The following NUMB variants were observed in gnomAD, a reference collection of about 807,000 sequenced individuals.
NUMB encodes protein numb homolog.
A neutral mutation model predicts 59.7 loss-of-function variants in NUMB; 29 were observed. That is an observed-to-expected ratio of 0.49 (90% CI 0.36 to 0.66). The LOEUF is 0.66. Among genes scored for constraint, NUMB ranks in the 30% least tolerant of loss-of-function variants. The probability of loss-of-function intolerance (pLI) is 0.00; values close to 1 mark genes in which losing one functional copy is unlikely to be tolerated. For missense variants in NUMB, 723 were observed against 822.0 expected (o/e 0.88, Z 1.47); for synonymous variants, 288 against 288.2 (o/e 1.00, Z 0.01).
chr14:73,352,526 A>G lies in NUMB; in HGVS notation c.126+3100T>C, dbSNP rs1416287615. Among the ~76,000 whole-genome samples the G allele has an allele frequency of 2.3e-3, 32 of 13,964 alleles. 1 individual carries two copies. The highest frequency in any genetic ancestry group is 6.0e-3 in the East Asian group (1 of 166). The allele number at this position is 13,964 out of a possible 152,430, so 9.2% of individuals were successfully genotyped here. ...TATATATATATATATATATATATAT[A>G]TATGTTTTTTTTTTTTTTTTTTTTT... On this transcript the variant is annotated intron_variant, in intron 4 of 12. Coordinates refer to ENST00000555238, the MANE Select transcript of NUMB (RefSeq NM_001005743.2).
chr14:73,374,949 G>A (rs1483512727), intron 2 of NUMB, among the ~76,000 whole-genome samples: 1 of 151,944 alleles, frequency 6.6e-6, no homozygotes, highest in Non-Finnish European at 1.5e-5. Flanking sequence ...TCGAACTCCT[G>A]ACCTCAGCTG....
At chr14:73,404,076 G>GAA (rs34056438) in intron 2 of NUMB, among the ~76,000 whole-genome samples, 41 of 128,084 alleles carry the variant, frequency 3.2e-4, no homozygotes, top group African/African-American at 5.8e-4. Context: ...GACTCCGTCT[G>GAA]AAAAAAAAAA....
At chr14:73,358,913 C>T (rs887345889) in intron 3 of NUMB, among the ~76,000 whole-genome samples, 1 of 152,104 alleles carries the variant, frequency 6.6e-6, no homozygotes, top group African/African-American at 2.4e-5. Flanking sequence ...AAAGAACCAT[C>T]GATGCTGGAA....
At chr14:73,280,752 G>A (rs1888575656) in intron 11 of NUMB, among the ~76,000 whole-genome samples, 1 of 134,594 alleles carries the variant, frequency 7.4e-6, no homozygotes, top group African/African-American at 2.8e-5. Context: ...GGAGTGCAAT[G>A]GTGTGATCTC....
intron 6 of NUMB, among the ~76,000 whole-genome samples, chr14:73,302,289 C>A (rs1017842723): frequency 6.6e-6 from 1 of 151,864 alleles, no homozygotes; most frequent in African/African-American, 2.4e-5. Context: ...TTATAGTTTG[C>A]CACATTATAG....
At chr14:73,439,881 C>T (rs999620885) in intron 1 of NUMB, among the ~76,000 whole-genome samples, 1 of 152,150 alleles carries the variant, frequency 6.6e-6, no homozygotes, top group African/African-American at 2.4e-5. Context: ...TTCCAAATAA[C>T]TAATGACACA....
intron 7 of NUMB, among the ~76,000 whole-genome samples, chr14:73,296,268 C>T (rs555389463): frequency 7.9e-5 from 12 of 152,176 alleles, no homozygotes; most frequent in African/African-American, 2.9e-4. Flanking sequence ...CATGGTGAAA[C>T]CTCATCTGTA....
intron 1 of NUMB, among the ~76,000 whole-genome samples, chr14:73,416,535 A>G (rs952705917): frequency 1.3e-5 from 2 of 152,090 alleles, no homozygotes; most frequent in African/African-American, 2.4e-5. Context: ...TCCAAAATAA[A>G]TAAGTGTGCA....
At position 73,352,477 on chromosome 14, in the gene NUMB, CATATATATAT is replaced by C. The variant is rs1170959840; in HGVS notation, c.126+3139_126+3148del. ...ACACACATACACACACACACACACA[CATATATATAT>C]ATATATATATATATATATATATATA... On this transcript the variant is annotated intron_variant, in intron 4 of 12. Coordinates refer to ENST00000555238, the MANE Select transcript of NUMB (RefSeq NM_001005743.2). 5.7e-3 allele frequency among the ~76,000 whole-genome samples: 72 copies of C among 12,666 alleles called. 2 individuals carry two copies. The highest frequency in any genetic ancestry group is 7.2e-3 in the East Asian group (2 of 278). 8.3% of individuals were successfully genotyped at this position (12,666 alleles called of 152,430 possible).
At chr14:73,424,129 C>A (rs35259237) in intron 1 of NUMB, among the ~76,000 whole-genome samples, 9,917 of 151,990 alleles carry the variant, frequency 0.065, 749 homozygotes, top group African/African-American at 0.19. Context: ...TACTCTCTCT[C>A]TATATATAGA....
At chr14:73,324,122 C>T (rs1319333570) in intron 4 of NUMB, among the ~76,000 whole-genome samples, 2 of 152,202 alleles carry the variant, frequency 1.3e-5, no homozygotes, top group African/African-American at 4.8e-5. Flanking sequence ...AACTGTATCA[C>T]AGAAGAAGAG....
At chr14:73,452,478 C>T (rs1220609244) in intron 1 of NUMB, among the ~76,000 whole-genome samples, 1 of 152,100 alleles carries the variant, frequency 6.6e-6, no homozygotes, top group African/African-American at 2.4e-5. Flanking sequence ...CGAGATCATG[C>T]CACTGCATAC....
intron 4 of NUMB, among the ~76,000 whole-genome samples, chr14:73,336,447 A>T (rs1025421555): frequency 2.0e-5 from 3 of 152,208 alleles, no homozygotes; most frequent in African/African-American, 7.2e-5. Flanking sequence ...AATATAACCA[A>T]GCCTCTAAAA....
chr14:73,454,850 A>G (rs1164617575), intron 1 of NUMB, among the ~76,000 whole-genome samples: 2 of 152,176 alleles, frequency 1.3e-5, no homozygotes, highest in African/African-American at 2.4e-5. Context: ...GAACTTTTCT[A>G]TTTGTCATAT....
rs201533734 is a variant in NUMB at position 73,333,393 on chromosome 14, CT to C, written c.127-10190del. On this transcript the variant is annotated intron_variant, in intron 4 of 12. Coordinates refer to ENST00000555238, the MANE Select transcript of NUMB (RefSeq NM_001005743.2). ...CTGTATATCTTCTTTAGGTAAATTT[CT>C]TTTTTTTTATTTTTTAAATTTGAGA... Among the ~76,000 whole-genome samples, 775 of 151,366 alleles carry C rather than the reference CT, an allele frequency of 5.1e-3. 8 individuals are homozygous for C. The highest frequency in any genetic ancestry group is 0.018 in the African/African-American group (730 of 41,262).
At chr14:73,367,434 C>T (rs1894422876) in intron 2 of NUMB, among the ~76,000 whole-genome samples, 1 of 149,806 alleles carries the variant, frequency 6.7e-6, no homozygotes, top group Non-Finnish European at 1.5e-5. Flanking sequence ...CTACACATAT[C>T]CCTAGTAAGA....
intron 2 of NUMB, among the ~76,000 whole-genome samples, chr14:73,397,353 A>C (rs1896185433): frequency 6.6e-6 from 1 of 152,220 alleles, no homozygotes. Context: ...GATATGATAT[A>C]TATGCATGCA....
chr14:73,315,778 T>A (rs1024081565), intron 6 of NUMB, among the ~76,000 whole-genome samples: 3 of 152,348 alleles, frequency 2.0e-5, no homozygotes, highest in South Asian at 4.2e-4. Context: ...TTGTTACAAA[T>A]ATTGCTAATA....
At chr14:73,428,704 AAGCTCAGGAGTTCAAGGCTTGAGCTTG>A (rs1389490981) in intron 1 of NUMB, among the ~76,000 whole-genome samples, 14 of 152,092 alleles carry the variant, frequency 9.2e-5, no homozygotes, top group African/African-American at 2.4e-4. Context: ...GCAGGAGTTC[AAGCTCAGGAGTTCAAGGCTTGAGCTTG>A]AGCTCAGGAG....
Sources: allele counts gnomAD v4.1 joint callset (sites outside exome capture counted in the v4.1 genomes callset), GRCh38; gene constraint gnomAD v4.1.1; transcripts MANE v1.5; gene names NCBI Gene and HGNC (gene_info 2026-07-23, HGNC 2026-07-21).